FAT1: variants seen among roughly 807,000 people sequenced by gnomAD.
FAT1 encodes the protein protocadherin Fat 1.
In FAT1, 171 loss-of-function variants were observed where a neutral mutation model predicts 329.8. That is an observed-to-expected ratio of 0.52 (90% confidence interval 0.46 to 0.59). FAT1 has a LOEUF of 0.59. Ranked by LOEUF, FAT1 falls within the 20% of genes least tolerant of loss-of-function variation. The pLI is 0.00. For missense variants in FAT1, 5,672 were observed against 5,774.4 expected (o/e 0.98, Z 0.57); for synonymous variants, 2,233 against 2,228.6 (o/e 1.00, Z -0.06).
At chr4:186,660,770 C>A (rs778954845) in intron 3 of FAT1, among the ~76,000 whole-genome samples, 2 of 152,198 alleles carry the variant, frequency 1.3e-5, no homozygotes, top group African/African-American at 2.4e-5. Flanking sequence ...CATGTTTCTA[C>A]AACAAGACAT....
At chr4:186,615,887 C>G (rs926515576) in intron 11 of FAT1, among the ~76,000 whole-genome samples, 2 of 152,162 alleles carry the variant, frequency 1.3e-5, no homozygotes, top group Admixed American at 1.3e-4. Flanking sequence ...CTCTCAATGT[C>G]TAAAAAACAT....
chr4:186,655,564 A>G (rs1741866215), intron 3 of FAT1, among the ~76,000 whole-genome samples: 1 of 151,852 alleles, frequency 6.6e-6, no homozygotes, highest in Admixed American at 6.6e-5. Flanking sequence ...CCTCCCAAGT[A>G]GCTGGGATTA....
Position 186,619,243 on chromosome 4 carries a change from G to A in FAT1, c.7343C>T (p.Thr2448Ile), listed in dbSNP as rs1739899607. 6.2e-7 allele frequency: 1 copy of A among 1,613,980 alleles called. No homozygotes were observed. Among genetic ancestry groups the A allele is most frequent in the Non-Finnish European group, 8.5e-7 (1 of 1,179,894 alleles). The change falls in exon 10 of 27, where the codon ACC becomes ATC. Residue 2448 changes from threonine (T) to isoleucine (I), a missense_variant. By Grantham distance (89) the Thr-to-Ile change is moderately conservative. Around this residue, in one of 2 missense-constraint regions of FAT1, gnomAD observed 3,966 missense variants for 3,915.2 expected, o/e 1.01. Coordinates refer to ENST00000441802, the MANE Select transcript of FAT1 (RefSeq NM_005245.4). The part of the protein sequence containing the change: ...FVIDSATGII[T>I]LSNLHRHALK... ...GGCGTGCCGGTGCAGGTTTGAGAGGGTGATAATCCCTGTTGCACTGTCAAT... is the reference window on the plus strand; with the variant it reads ...GGCGTGCCGGTGCAGGTTTGAGAGGATGATAATCCCTGTTGCACTGTCAAT...
At chr4:186,635,944 G>T in intron 6 of FAT1, 81 bp downstream of exon 6, 2 of 1,218,516 alleles carry the variant, frequency 1.6e-6, no homozygotes, top group South Asian at 1.4e-5. Flanking sequence ...ATCCTGACTT[G>T]TGCCCAAAAC....
chr4:186,697,618 A>G (rs768288626), intron 2 of FAT1, among the ~76,000 whole-genome samples: 2 of 152,204 alleles, frequency 1.3e-5, no homozygotes, highest in African/African-American at 2.4e-5. Context: ...TGACCTGTCC[A>G]TTGTTAAGGT....
intron 5 of FAT1, 119 bp downstream of exon 5, chr4:186,636,466 G>A (rs541405774): frequency 2.3e-5 from 25 of 1,093,288 alleles, no homozygotes. Context: ...AATGGGGCCA[G>A]CAGGTCACAA....
chr4:186,681,526 G>A (rs2126645392), intron 2 of FAT1, among the ~76,000 whole-genome samples: 1 of 152,286 alleles, frequency 6.6e-6, no homozygotes, highest in East Asian at 1.9e-4. Context: ...ATCACTTATT[G>A]TAGAGCCCAG....
intron 2 of FAT1, among the ~76,000 whole-genome samples, chr4:186,699,627 T>C (rs868251948): frequency 1.3e-5 from 2 of 152,020 alleles, no homozygotes; most frequent in South Asian, 2.1e-4. Flanking sequence ...ACAGAAAAGA[T>C]TGCGCTTTGT....
intron 2 of FAT1, among the ~76,000 whole-genome samples, chr4:186,688,581 C>T (rs1311577447): frequency 6.6e-6 from 1 of 151,918 alleles, no homozygotes; most frequent in African/African-American, 2.4e-5. Context: ...AAGGGGGACG[C>T]AATTCAAGCT....
chr4:186,663,838 G>A (rs1056547498), intron 2 of FAT1, among the ~76,000 whole-genome samples: 7 of 152,192 alleles, frequency 4.6e-5, no homozygotes, highest in African/African-American at 1.7e-4. Flanking sequence ...AGAACACTTG[G>A]CACATAATAT....
At chr4:186,629,320 C>T (rs1489507849) in intron 7 of FAT1, among the ~76,000 whole-genome samples, 1 of 152,128 alleles carries the variant, frequency 6.6e-6, no homozygotes, top group Non-Finnish European at 1.5e-5. Context: ...CATAAACCTA[C>T]ATCTATGTAG....
At chr4:186,685,298 G>A (rs1743410009) in intron 2 of FAT1, among the ~76,000 whole-genome samples, 1 of 152,204 alleles carries the variant, frequency 6.6e-6, no homozygotes, top group Non-Finnish European at 1.5e-5. Flanking sequence ...ATGTCCAATA[G>A]CTGATAGGAT....
intron 2 of FAT1, among the ~76,000 whole-genome samples, chr4:186,671,416 G>A (rs1039630062): frequency 4.6e-5 from 7 of 151,986 alleles, no homozygotes; most frequent in African/African-American, 1.7e-4. Context: ...AAAATAACTG[G>A]GCCGGGCATG....
chr4:186,655,963 C>T (rs1350567785), intron 3 of FAT1, among the ~76,000 whole-genome samples: 2 of 152,192 alleles, frequency 1.3e-5, no homozygotes, highest in Admixed American at 1.3e-4. Flanking sequence ...CTGAAAGTAC[C>T]TGCAAAGGCA....
chr4:186,607,428 T>C (rs916119869), intron 16 of FAT1, among the ~76,000 whole-genome samples: 3 of 131,216 alleles, frequency 2.3e-5, no homozygotes, highest in Admixed American at 1.8e-4. Flanking sequence ...AATAACTGTA[T>C]AGATGGGTGA....
rs61733570 is a variant in FAT1, at chr4:186,707,030, C to T, written c.2798G>A (p.Arg933His). The change falls in exon 2 of 27, where the codon CGT (arginine) becomes CAT (histidine). Residue 933 changes from arginine to histidine, a missense_variant. By Grantham distance (29) the Arg-to-His change is conservative. Coordinates refer to ENST00000441802, the MANE Select transcript of FAT1 (RefSeq NM_005245.4). The stretch of plus-strand genomic sequence containing the variant: ...TGGAAGATCCTCTCGGACTTTCACA[C>T]GATAATTAGGTGGAATAAATGTAGG... ...NPPTFIPPNY[R>H]VKVREDLPEG... 2.2e-4 allele frequency: 360 copies of T among 1,613,892 alleles called. 1 individual carries two copies. The highest frequency in any genetic ancestry group is 2.0e-3 in the African/African-American group (149 of 74,996).
intron 6 of FAT1, among the ~76,000 whole-genome samples, chr4:186,634,404 C>A (rs1740733023): frequency 6.6e-6 from 1 of 151,882 alleles, no homozygotes. Context: ...TTTGATAAAA[C>A]TCTCTTTTCA....
At chr4:186,668,919 T>G (rs533949616) in intron 2 of FAT1, among the ~76,000 whole-genome samples, 1 of 152,334 alleles carries the variant, frequency 6.6e-6, no homozygotes, top group South Asian at 2.1e-4. Context: ...TCTATTTCTC[T>G]TTATCCATGA....
Position 186,618,993 on chromosome 4 carries a change from A to G in FAT1, c.7593T>C (p.Ile2531=), listed in dbSNP as rs2126501045. The change falls in exon 10 of 27, where the codon ATT becomes ATC. Residue 2531 remains isoleucine, a synonymous_variant. Transcript: ENST00000441802. ...ATCTGTCTTTGGCAAAGTCATTTAC[A>G]ATATGGTAAGTAACGTGACCATAAA... The part of the protein sequence containing the change: ...SGIYGHVTYH[I]VNDFAKDRFY... The G allele has an allele frequency of 6.2e-7, 1 of 1,614,044 alleles. No homozygotes were observed.
Sources: allele counts gnomAD v4.1 joint callset (sites outside exome capture counted in the v4.1 genomes callset), GRCh38; gene constraint gnomAD v4.1.1; regional missense constraint gnomAD v4.1.1; transcripts MANE v1.5; gene names NCBI Gene and HGNC (gene_info 2026-07-23, HGNC 2026-07-21).